Variants in CDH18 observed in about 807,000 individuals in gnomAD.
The protein encoded by CDH18 is cadherin-18.
In CDH18, 31 loss-of-function variants were observed where a neutral mutation model predicts 67.9. The observed-to-expected ratio is 0.46, with a 90% confidence interval of 0.34 to 0.62. The LOEUF (loss-of-function observed/expected upper bound fraction) is 0.62. CDH18 is among the 20% of genes least tolerant of loss of function. CDH18 has a pLI of 0.01. For synonymous variants in CDH18, 362 were observed against 347.2 expected (o/e 1.04, Z -0.48); for missense variants, 890 against 975.5 (o/e 0.91, Z 1.17).
intron 2 of CDH18, among the ~76,000 whole-genome samples, chr5:20,024,115 C>T (rs1738680379): frequency 6.6e-6 from 1 of 152,214 alleles, no homozygotes; most frequent in Non-Finnish European, 1.5e-5. Flanking sequence ...AAGCTAATCT[C>T]ATCATAAAAC....
chr5:19,597,452 T>G (rs1746357313), intron 6 of CDH18, among the ~76,000 whole-genome samples: 1 of 152,246 alleles, frequency 6.6e-6, no homozygotes, highest in African/African-American at 2.4e-5. Context: ...TTCAAATGCA[T>G]TCTTTTATTG....
chr5:19,818,221 C>A (rs1201580424), intron 3 of CDH18, among the ~76,000 whole-genome samples: 1 of 152,052 alleles, frequency 6.6e-6, no homozygotes, highest in Non-Finnish European at 1.5e-5. Context: ...AGAGACTTAA[C>A]AATTGTAATA....
At position 19,918,757 on chromosome 5, in the gene CDH18, T is replaced by C. The variant is rs187930329; in HGVS notation, c.-257+62303A>G. 3.2e-3 allele frequency among the ~76,000 whole-genome samples: 494 copies of C among 152,260 alleles called. 2 individuals carry two copies. The highest frequency in any genetic ancestry group is 0.011 in the African/African-American group (474 of 41,544). Reference sequence around the variant, plus strand: ...TGTGATATTTTGATATAATAATAAATACATATTTAGTCATCATTCCTGGTT... The same window carrying C: ...TGTGATATTTTGATATAATAATAAACACATATTTAGTCATCATTCCTGGTT... On this transcript the variant is annotated intron_variant, in intron 2 of 12. Transcript: ENST00000382275.
In CDH18 at chr5:20,300,875, C is replaced by T. The variant is rs541162846; in HGVS notation, c.-579-45370G>A. ...CATTTTCCCTATCTCACCTGTATAG[C>T]CACAGAAAGAATTAACTGTCCTGTG... is the stretch of plus-strand genomic sequence containing the variant. On this transcript the variant is annotated intron_variant, in intron 1 of 14. Coordinates refer to the CDH18 transcript ENST00000507958. Among the ~76,000 whole-genome samples, 3 of 152,180 alleles carry T rather than the reference C, an allele frequency of 2.0e-5. 1 individual carries two copies. The South Asian group carries it at 6.2e-4, about 32-fold the overall frequency.
chr5:19,471,700 CA>C lies in CDH18; in HGVS notation c.*1525del, dbSNP rs1333404611. On this transcript the variant is annotated 3_prime_UTR_variant, in exon 13 of 13. Coordinates refer to ENST00000382275, the MANE Select transcript of CDH18 (RefSeq NM_004934.5). ...ACAATTTGAAAAAAAAAGCCCCACC[CA>C]AATTCTCAGAAATTAGCTTATGAAA... 6.6e-6 allele frequency among the ~76,000 whole-genome samples: 1 copy of C among 151,910 alleles called. No individual in the cohort carries two copies. The highest frequency in any genetic ancestry group is 1.5e-5 in the Non-Finnish European group (1 of 67,992).
At chr5:19,501,281 A>T (rs2126747902) in intron 11 of CDH18, among the ~76,000 whole-genome samples, 1 of 149,878 alleles carries the variant, frequency 6.7e-6, no homozygotes, top group East Asian at 1.9e-4. Flanking sequence ...CAGCTATAAC[A>T]ATCTTTTATG....
intron 3 of CDH18, among the ~76,000 whole-genome samples, chr5:19,754,657 A>G (rs903834603): frequency 2.0e-5 from 3 of 152,178 alleles, no homozygotes; most frequent in East Asian, 1.9e-4. Flanking sequence ...CTTGGAACAA[A>G]TGGACTTAAC....
chr5:20,035,741 A>G (rs13181300), intron 2 of CDH18, among the ~76,000 whole-genome samples: 115,308 of 151,862 alleles, frequency 0.76, 46,828 homozygotes, highest in Non-Finnish European at 0.9. Flanking sequence ...CAACAAAACC[A>G]TATCAGTCAT....
At chr5:19,787,697 A>G (rs1360393118) in intron 3 of CDH18, among the ~76,000 whole-genome samples, 1 of 151,802 alleles carries the variant, frequency 6.6e-6, no homozygotes, top group Non-Finnish European at 1.5e-5. Context: ...GCAAGAAGAG[A>G]GAGAAACCAA....
intron 5 of CDH18, among the ~76,000 whole-genome samples, chr5:19,636,165 G>A (rs1341288741): frequency 1.3e-5 from 2 of 151,958 alleles, no homozygotes; most frequent in African/African-American, 4.8e-5. Flanking sequence ...AACTAAATTT[G>A]CAAGTATACC....
intron 1 of CDH18, among the ~76,000 whole-genome samples, chr5:20,563,154 C>T: frequency 6.6e-6 from 1 of 151,900 alleles, no homozygotes; most frequent in African/African-American, 2.4e-5. Context: ...AATGTCTCTG[C>T]AACAAATAAT....
At position 20,295,670 on chromosome 5, in the gene CDH18, T is replaced by C. The variant is rs1037704542; in HGVS notation, c.-579-40165A>G. On this transcript the variant is annotated intron_variant, in intron 1 of 14. Transcript: ENST00000507958. ...TGAACCCAGGAGGTGGACGTTGCAG[T>C]GAGCCAAGGTTGTGCCACTGCACTC... 2.0e-5 allele frequency among the ~76,000 whole-genome samples: 3 copies of C among 151,338 alleles called. No individual in the cohort carries two copies. In the South Asian group the frequency reaches 6.3e-4, roughly 32 times the overall value.
intron 2 of CDH18, among the ~76,000 whole-genome samples, chr5:20,029,211 A>C (rs1293043823): frequency 6.6e-6 from 1 of 152,178 alleles, no homozygotes; most frequent in African/African-American, 2.4e-5. Flanking sequence ...AGGACTTCTT[A>C]GTATGTGTAT....
Position 19,553,212 on chromosome 5 carries a change from G to C in CDH18, c.1254-9207C>G, listed in dbSNP as rs1737777101. On this transcript the variant is annotated intron_variant, in intron 8 of 12. Transcript: ENST00000382275. ...TCAATACTCATATTAAAGTGTATTA[G>C]AAATGTTATTTTTCATTTCAATAAC... 2.0e-5 allele frequency among the ~76,000 whole-genome samples: 3 copies of C among 152,052 alleles called. No homozygotes were observed. In the South Asian group the frequency reaches 6.2e-4, roughly 31 times the overall value.
chr5:19,915,317 C>A (rs1288057351), intron 2 of CDH18, among the ~76,000 whole-genome samples: 5 of 152,222 alleles, frequency 3.3e-5, no homozygotes, highest in Admixed American at 2.0e-4. Flanking sequence ...AAGTTTGAGA[C>A]CTCAGACTGC....
At chr5:20,533,807 A>T (rs1756555886) in intron 1 of CDH18, among the ~76,000 whole-genome samples, 1 of 152,014 alleles carries the variant, frequency 6.6e-6, no homozygotes, top group South Asian at 2.1e-4. Flanking sequence ...ACCTCAAATG[A>T]TATTCATTCT....
intron 2 of CDH18, among the ~76,000 whole-genome samples, chr5:20,010,254 T>G (rs937137022): frequency 3.9e-5 from 6 of 151,906 alleles, no homozygotes; most frequent in Non-Finnish European, 8.8e-5. Flanking sequence ...TTTTTTTTAA[T>G]TTTTTTGAGA....
chr5:19,924,317 C>T (rs1792854848), intron 2 of CDH18, among the ~76,000 whole-genome samples: 1 of 152,062 alleles, frequency 6.6e-6, no homozygotes, highest in Non-Finnish European at 1.5e-5. Flanking sequence ...TTTTGCATTA[C>T]TTTTTATTTT....
chr5:19,744,864 CT>C (rs532520179), intron 4 of CDH18, among the ~76,000 whole-genome samples: 126 of 152,160 alleles, frequency 8.3e-4, no homozygotes, highest in Non-Finnish European at 1.6e-3. Flanking sequence ...AAATTTTTCT[CT>C]TTTTATTAGG....
Sources: gnomAD v4.1 joint callset for allele counts (sites outside exome capture counted in the v4.1 genomes callset) on GRCh38, gnomAD v4.1.1 for gene constraint, MANE v1.5 for transcripts, NCBI Gene and HGNC (gene_info 2026-07-23, HGNC 2026-07-21) for gene names.